MARCHF1: variants seen among roughly 807,000 people sequenced by gnomAD.
MARCHF1 encodes the protein E3 ubiquitin-protein ligase MARCHF1.
A neutral mutation model predicts 54.2 loss-of-function variants in MARCHF1; 40 were observed. The ratio of observed to expected loss-of-function variants is 0.74; its 90% CI spans 0.57 to 0.96. The LOEUF (loss-of-function observed/expected upper bound fraction) is 0.96. Ranked by LOEUF, MARCHF1 falls within the 40% of genes least tolerant of loss-of-function variation. The pLI, the probability that MARCHF1 is intolerant of heterozygous loss-of-function variation, is 0.00. For synonymous variants in MARCHF1, 236 were observed against 236.3 expected, an observed-to-expected ratio of 1.00 and a Z score of 0.01; for missense variants, 586 against 656.5, an observed-to-expected ratio of 0.89 and a Z score of 1.17.
At chr4:164,269,450 C>G (rs554740058) in intron 1 of MARCHF1, among the ~76,000 whole-genome samples, 39 of 152,224 alleles carry the variant, frequency 2.6e-4, no homozygotes, top group African/African-American at 9.4e-4. Context: ...AAACAGCTTG[C>G]ATAGACTTCT....
intron 1 of MARCHF1, chr4:164,188,299 G>A (rs1417777817): frequency 6.4e-6 from 2 of 311,934 alleles, no homozygotes; most frequent in African/African-American, 4.2e-5. Flanking sequence ...TGTGAGAGGC[G>A]GGTAACCGCG....
chr4:163,666,301 G>T (rs188978834), intron 5 of MARCHF1, among the ~76,000 whole-genome samples: 232 of 152,156 alleles, frequency 1.5e-3, no homozygotes, highest in African/African-American at 5.4e-3. Flanking sequence ...CATTACATGA[G>T]CTTCATCTTG....
intron 2 of MARCHF1, among the ~76,000 whole-genome samples, chr4:164,084,422 C>T (rs919573): frequency 0.76 from 114,923 of 151,688 alleles, 44,163 homozygotes; most frequent in Non-Finnish European, 0.83. Context: ...TTTAGATACT[C>T]AACCTTTACT....
At chr4:163,672,808 C>T (rs373329964) in intron 5 of MARCHF1, among the ~76,000 whole-genome samples, 44 of 152,300 alleles carry the variant, frequency 2.9e-4, no homozygotes, top group East Asian at 2.5e-3. Flanking sequence ...AGCTCCCTGC[C>T]TTTTCCAGCT....
At chr4:163,777,963 A>C (rs1040412675) in intron 4 of MARCHF1, among the ~76,000 whole-genome samples, 1 of 152,204 alleles carries the variant, frequency 6.6e-6, no homozygotes, top group African/African-American at 2.4e-5. Flanking sequence ...ATTGGCAACC[A>C]CTGAACTGTT....
chr4:164,162,104 T>C (rs1730254866), intron 1 of MARCHF1, among the ~76,000 whole-genome samples: 1 of 152,104 alleles, frequency 6.6e-6, no homozygotes, highest in South Asian at 2.1e-4. Context: ...ACAACTGCTA[T>C]CAGACAGCAT....
chr4:164,063,900 C>T (rs775613307), intron 2 of MARCHF1, among the ~76,000 whole-genome samples: 2 of 152,054 alleles, frequency 1.3e-5, no homozygotes, highest in Admixed American at 6.6e-5. Flanking sequence ...TATCCCAGCA[C>T]CATTTATTTA....
At chr4:163,632,600 C>A (rs1227071171) in intron 5 of MARCHF1, among the ~76,000 whole-genome samples, 2 of 152,184 alleles carry the variant, frequency 1.3e-5, no homozygotes, top group Non-Finnish European at 2.9e-5. Context: ...GGTCCTATGC[C>A]CACGGAGTCT....
intron 1 of MARCHF1, among the ~76,000 whole-genome samples, chr4:164,305,004 T>C (rs1001466493): frequency 6.6e-6 from 1 of 152,202 alleles, no homozygotes; most frequent in Non-Finnish European, 1.5e-5. Context: ...GAGCAAGGCA[T>C]AGTCTAAGTT....
chr4:163,784,673 T>C (rs1747566740), intron 4 of MARCHF1, among the ~76,000 whole-genome samples: 1 of 152,134 alleles, frequency 6.6e-6, no homozygotes, highest in African/African-American at 2.4e-5. Context: ...TCTATATTTC[T>C]GGAAAAATAA....
At chr4:163,633,467 G>C (rs549032735) in intron 5 of MARCHF1, among the ~76,000 whole-genome samples, 4 of 152,186 alleles carry the variant, frequency 2.6e-5, no homozygotes, top group Non-Finnish European at 5.9e-5. Context: ...CTCAGGAGCC[G>C]ATGCGATCAA....
In MARCHF1 at chr4:164,089,415, G is replaced by C. The variant is rs559005364; in HGVS notation, c.-248+22173C>G. Among the ~76,000 whole-genome samples, 16 of 152,186 alleles carry C rather than the reference G, an allele frequency of 1.1e-4. No homozygotes were observed. The South Asian group carries it at 2.1e-3, about 20-fold the overall frequency. On this transcript the variant is annotated intron_variant, in intron 2 of 9. Coordinates refer to ENST00000514618, the MANE Select transcript of MARCHF1 (RefSeq NM_001394959.1). ...ATTTGTTGAGGTTACTAGATCGCAT[G>C]TTCAGTGTTCTTCCCTCAAAACAGA...
chr4:163,633,747 G>A (rs1742199218), intron 5 of MARCHF1, among the ~76,000 whole-genome samples: 1 of 151,534 alleles, frequency 6.6e-6, no homozygotes. Context: ...TACAGAGAAT[G>A]CCACAAAGAT....
chr4:164,043,940 G>A (rs1311616388), intron 2 of MARCHF1, among the ~76,000 whole-genome samples: 1 of 152,184 alleles, frequency 6.6e-6, no homozygotes, highest in Non-Finnish European at 1.5e-5. Flanking sequence ...CTTTGCGAAA[G>A]CATAGCAAGA....
At chr4:163,959,330 C>CAA (rs72185948) in intron 3 of MARCHF1, among the ~76,000 whole-genome samples, 2 of 149,256 alleles carry the variant, frequency 1.3e-5, no homozygotes, top group African/African-American at 5.0e-5. Context: ...ACAACAACAA[C>CAA]AAAAAAAAAA....
intron 5 of MARCHF1, among the ~76,000 whole-genome samples, chr4:163,658,793 G>A (rs539384766): frequency 7.9e-5 from 12 of 152,048 alleles, no homozygotes; most frequent in South Asian, 2.1e-4. Context: ...CCTGATGGTC[G>A]GGGGAATGTG....
At chr4:164,216,110 T>C (rs1731923311) in intron 1 of MARCHF1, among the ~76,000 whole-genome samples, 1 of 152,192 alleles carries the variant, frequency 6.6e-6, no homozygotes, top group East Asian at 1.9e-4. Flanking sequence ...CTAAACTGCA[T>C]TGAAAGTCTC....
chr4:163,984,955 G>A (rs1394812029), intron 3 of MARCHF1, among the ~76,000 whole-genome samples: 3 of 152,016 alleles, frequency 2.0e-5, no homozygotes, highest in Non-Finnish European at 2.9e-5. Flanking sequence ...AAGCTTTCCC[G>A]AGAATGTGGT....
At chr4:164,141,591 A>G (rs1260472879) in intron 1 of MARCHF1, among the ~76,000 whole-genome samples, 1 of 152,228 alleles carries the variant, frequency 6.6e-6, no homozygotes, top group Non-Finnish European at 1.5e-5. Flanking sequence ...ATTCACCCCT[A>G]CAAGTCGCAA....
Sources: gnomAD v4.1 joint callset for allele counts (sites outside exome capture counted in the v4.1 genomes callset) on GRCh38, gnomAD v4.1.1 for gene constraint, MANE v1.5 for transcripts, NCBI Gene and HGNC (gene_info 2026-07-23, HGNC 2026-07-21) for gene names.